Variants in THSD7A observed in about 807,000 individuals in gnomAD.
The protein encoded by THSD7A is thrombospondin type 1 domain containing 7A.
THSD7A carries 96 observed loss-of-function variants against 231.3 expected under a neutral mutation model. The ratio of observed to expected loss-of-function variants is 0.41; its 90% CI spans 0.35 to 0.49. The LOEUF (loss-of-function observed/expected upper bound fraction) is 0.49, where lower values mean the gene tolerates loss of function less well. Ranked by LOEUF, THSD7A falls within the 20% of genes least tolerant of loss-of-function variation. THSD7A has a pLI of 0.05. For synonymous variants in THSD7A, 940 were observed against 743.3 expected, an observed-to-expected ratio of 1.26 and a Z score of -4.30; for missense variants, 2,290 against 2,070.2, an observed-to-expected ratio of 1.11 and a Z score of -2.06.
intron 1 of THSD7A, among the ~76,000 whole-genome samples, chr7:11,739,357 C>A (rs1447827768): frequency 6.6e-6 from 1 of 151,822 alleles, no homozygotes; most frequent in Non-Finnish European, 1.5e-5. Context: ...CATGGAATAA[C>A]ACTTATAAGT....
chr7:11,824,726 A>G (rs1404523587), intron 1 of THSD7A, among the ~76,000 whole-genome samples: 2 of 152,160 alleles, frequency 1.3e-5, no homozygotes, highest in South Asian at 4.1e-4. Flanking sequence ...AGAAAAAAAG[A>G]CAAGACACAA....
chr7:11,816,709 A>G (rs1452366782), intron 1 of THSD7A, among the ~76,000 whole-genome samples: 1 of 145,232 alleles, frequency 6.9e-6, no homozygotes, highest in Non-Finnish European at 1.5e-5. Context: ...TAAAATCTTA[A>G]TATAAATTTT....
At chr7:11,819,656 TGGGAGGAGGAA>T (rs1177378908) in intron 1 of THSD7A, among the ~76,000 whole-genome samples, 1 of 152,132 alleles carries the variant, frequency 6.6e-6, no homozygotes, top group Non-Finnish European at 1.5e-5. Context: ...GCTAGGGATT[TGGGAGGAGGAA>T]GGGAGAAATA....
chr7:11,529,967 C>A (rs1282552704), intron 6 of THSD7A, among the ~76,000 whole-genome samples: 1 of 152,028 alleles, frequency 6.6e-6, no homozygotes, highest in African/African-American at 2.4e-5. Flanking sequence ...ATTTGCACTA[C>A]AAAACAGCAT....
chr7:11,543,790 A>G (rs763736706), intron 4 of THSD7A, among the ~76,000 whole-genome samples: 16 of 151,824 alleles, frequency 1.1e-4, no homozygotes, highest in Non-Finnish European at 1.8e-4. Flanking sequence ...TAAACTGTGG[A>G]TAAATGTTGC....
chr7:11,728,339 T>G (rs540108318), intron 1 of THSD7A, among the ~76,000 whole-genome samples: 8 of 152,124 alleles, frequency 5.3e-5, no homozygotes, highest in African/African-American at 1.9e-4. Flanking sequence ...TACTGGAGTT[T>G]AATGTATTGG....
At chr7:11,477,192 T>C (rs2128303330) in intron 7 of THSD7A, among the ~76,000 whole-genome samples, 1 of 152,342 alleles carries the variant, frequency 6.6e-6, no homozygotes, top group Non-Finnish European at 1.5e-5. Flanking sequence ...TGTCACACTT[T>C]GTTAGTCTCC....
In THSD7A at chr7:11,593,475, C is replaced by A. The variant is rs370840609; in HGVS notation, c.1050G>T (p.Met350Ile). The A allele has an allele frequency of 6.8e-6, 11 of 1,613,912 alleles. No individual in the cohort carries two copies. Among genetic ancestry groups the A allele is most frequent in the Non-Finnish European group, 9.3e-6 (11 of 1,179,836 alleles). ...LSFCQQEKLPMTFQSCVITKE... is the reference protein window; with the variant it reads ...LSFCQQEKLPITFQSCVITKE... ...TGGTGATCACACAGGACTGGAAGGT[C>A]ATTGGAAGCTTCTCTTGCTGGCAAA... Residue 350 changes from methionine to isoleucine, a missense_variant, in exon 3 of 28, where the codon ATG (methionine) becomes ATT (isoleucine). Transcript: ENST00000423059.
At chr7:11,744,174 C>G (rs1392241114) in intron 1 of THSD7A, among the ~76,000 whole-genome samples, 1 of 151,804 alleles carries the variant, frequency 6.6e-6, no homozygotes. Context: ...CAAAACTGTT[C>G]TGCTAATGAC....
In THSD7A at chr7:11,373,083, A is replaced by C. The variant is rs950237175; in HGVS notation, c.*2711T>G. 1.1e-4 allele frequency: 16 copies of C among 151,348 alleles called. No homozygotes were observed. The highest frequency in any genetic ancestry group is 3.6e-4 in the African/African-American group (15 of 41,114). 9.4% of individuals were successfully genotyped at this position (151,348 alleles called of 1,614,324 possible). On this transcript the variant is annotated 3_prime_UTR_variant, in exon 28 of 28. Transcript: ENST00000423059. ...GGTGTGTGTGTGTGTGTGTGTATAT[A>C]TATATATGCATGCATATATGCTGTA...
intron 23 of THSD7A, among the ~76,000 whole-genome samples, chr7:11,396,513 C>G (rs1475558425): frequency 6.6e-6 from 1 of 152,162 alleles, no homozygotes; most frequent in Admixed American, 6.5e-5. Context: ...CACCTCTACA[C>G]AAATAAGCTA....
At chr7:11,394,242 A>G (rs13311736) in intron 23 of THSD7A, among the ~76,000 whole-genome samples, 3 of 152,222 alleles carry the variant, frequency 2.0e-5, no homozygotes, top group South Asian at 2.1e-4. Flanking sequence ...TCAATCCACA[A>G]TTTCACATCC....
At chr7:11,732,164 T>C (rs1258047622) in intron 1 of THSD7A, among the ~76,000 whole-genome samples, 2 of 151,746 alleles carry the variant, frequency 1.3e-5, no homozygotes, top group Non-Finnish European at 3.0e-5. Context: ...GATGCATGAG[T>C]ACATGTTTGT....
At chr7:11,675,182 C>T (rs1783586127) in intron 1 of THSD7A, among the ~76,000 whole-genome samples, 1 of 152,074 alleles carries the variant, frequency 6.6e-6, no homozygotes. Flanking sequence ...ACTCCCTCCC[C>T]TAGCCAAGGG....
chr7:11,392,969 GAATTA>G (rs769922586), intron 23 of THSD7A, among the ~76,000 whole-genome samples: 1 of 152,232 alleles, frequency 6.6e-6, no homozygotes, highest in Non-Finnish European at 1.5e-5. Flanking sequence ...AGCTTCAGCA[GAATTA>G]AACATCCCTG....
At chr7:11,554,642 T>C (rs1177441558) in intron 4 of THSD7A, among the ~76,000 whole-genome samples, 2 of 152,038 alleles carry the variant, frequency 1.3e-5, no homozygotes, top group Non-Finnish European at 2.9e-5. Context: ...AAACTGCATT[T>C]GGTCTTATAT....
In THSD7A at chr7:11,379,651, T is replaced by C. The variant is rs952023320; in HGVS notation, c.4569A>G (p.Gln1523=). The change falls in exon 25 of 28, where the codon CAA becomes CAG. Residue 1523 remains glutamine (Q), a synonymous_variant. Transcript: ENST00000423059. The part of the protein sequence containing the change: ...ADRSCNPPCS[Q]PHSYCSETKT... ...ATACCTCGCTACAGTACGAGTGGGG[T>C]TGACTACACGGTGGGTTACAAGACC... 10 of 1,588,852 alleles carry C rather than the reference T, an allele frequency of 6.3e-6. No homozygotes were observed. The highest frequency in any genetic ancestry group is 7.7e-6 in the Non-Finnish European group (9 of 1,166,862).
At chr7:11,443,551 C>T (rs867878734) in intron 13 of THSD7A, among the ~76,000 whole-genome samples, 1 of 151,952 alleles carries the variant, frequency 6.6e-6, no homozygotes, top group Admixed American at 6.6e-5. Flanking sequence ...TAACCTGAAA[C>T]ATACTTATAT....
intron 1 of THSD7A, among the ~76,000 whole-genome samples, chr7:11,829,970 CAT>C (rs896689051): frequency 3.3e-5 from 5 of 152,110 alleles, no homozygotes; most frequent in African/African-American, 4.8e-5. Context: ...TCTCATAACT[CAT>C]GTGATTTTCA....
Sources: allele counts gnomAD v4.1 joint callset (sites outside exome capture counted in the v4.1 genomes callset), GRCh38; gene constraint gnomAD v4.1.1; transcripts MANE v1.5; gene names NCBI Gene and HGNC (gene_info 2026-07-23, HGNC 2026-07-21).